MAGI1: variants seen among roughly 807,000 people sequenced by gnomAD.
MAGI1 encodes the protein membrane-associated guanylate kinase, WW and PDZ domain-containing protein 1.
A neutral mutation model predicts 139.9 loss-of-function variants in MAGI1; 58 were observed. The ratio of observed to expected loss-of-function variants is 0.41; its 90% confidence interval spans 0.34 to 0.52. The LOEUF (loss-of-function observed/expected upper bound fraction) is 0.52, where lower values mean the gene tolerates loss of function less well. Ranked by LOEUF, MAGI1 falls within the 20% of genes least tolerant of loss-of-function variation. MAGI1 has a pLI of 0.12. For missense variants in MAGI1, 1,874 were observed against 1,901.6 expected (o/e 0.99, Z 0.27); for synonymous variants, 812 against 737.9 (o/e 1.10, Z -1.63).
chr3:65,413,636 G>C (rs968777746), intron 12 of MAGI1, among the ~76,000 whole-genome samples: 4 of 152,162 alleles, frequency 2.6e-5, no homozygotes, highest in Non-Finnish European at 5.9e-5. Context: ...CTAATGAATT[G>C]CTGCCCCATA....
chr3:65,481,356 C>T (rs1951274991), intron 3 of MAGI1, among the ~76,000 whole-genome samples: 1 of 152,128 alleles, frequency 6.6e-6, no homozygotes, highest in Non-Finnish European at 1.5e-5. Context: ...TGTCTCATGC[C>T]TTCATTGAAG....
intron 2 of MAGI1, among the ~76,000 whole-genome samples, chr3:65,618,504 A>C (rs1033977715): frequency 6.6e-6 from 1 of 152,176 alleles, no homozygotes; most frequent in African/African-American, 2.4e-5. Context: ...CATTGCTTCC[A>C]AACCCACCAG....
At chr3:65,383,343 G>A (rs1400655056) in intron 15 of MAGI1, among the ~76,000 whole-genome samples, 189 bp downstream of exon 15, 1 of 152,186 alleles carries the variant, frequency 6.6e-6, no homozygotes, top group Admixed American at 6.5e-5. Flanking sequence ...TTTTTAGAAA[G>A]AATCTAGTCT....
At chr3:65,931,241 G>A (rs1184020504) in intron 1 of MAGI1, among the ~76,000 whole-genome samples, 1 of 152,128 alleles carries the variant, frequency 6.6e-6, no homozygotes, top group Non-Finnish European at 1.5e-5. Flanking sequence ...CACTGTGTTA[G>A]CCAGGATGGT....
chr3:65,982,914 A>AT (rs1268078708), intron 1 of MAGI1, among the ~76,000 whole-genome samples: 2 of 152,046 alleles, frequency 1.3e-5, no homozygotes, highest in Non-Finnish European at 2.9e-5. Context: ...AAGGAAAATG[A>AT]TTTTTTATTT....
chr3:65,937,214 A>C (rs2063106726), intron 1 of MAGI1, among the ~76,000 whole-genome samples: 2 of 152,188 alleles, frequency 1.3e-5, no homozygotes, highest in South Asian at 4.1e-4. Flanking sequence ...TGAGATTTTG[A>C]AGAGCTGTCA....
At chr3:65,997,634 C>T (rs1054364559) in intron 1 of MAGI1, among the ~76,000 whole-genome samples, 6 of 151,764 alleles carry the variant, frequency 4.0e-5, no homozygotes, top group Non-Finnish European at 7.4e-5. Flanking sequence ...CCAGCCTGGG[C>T]GACAGAGCAA....
intron 1 of MAGI1, among the ~76,000 whole-genome samples, chr3:65,949,372 T>C (rs1245699781): frequency 6.6e-6 from 1 of 152,246 alleles, no homozygotes. Context: ...GCTAAGTTCC[T>C]GTTAGGTGCA....
chr3:65,732,119 A>G (rs2034253737), intron 1 of MAGI1, among the ~76,000 whole-genome samples: 1 of 152,202 alleles, frequency 6.6e-6, no homozygotes. Flanking sequence ...AAATAAAACG[A>G]ATTCAGTCTC....
At chr3:65,357,822 T>C (rs889291083) in intron 22 of MAGI1, among the ~76,000 whole-genome samples, 3 of 152,214 alleles carry the variant, frequency 2.0e-5, no homozygotes, top group Non-Finnish European at 4.4e-5. Context: ...TGGCCAGATG[T>C]TGACGACTGG....
intron 1 of MAGI1, among the ~76,000 whole-genome samples, chr3:65,812,275 G>A (rs747336162): frequency 6.6e-6 from 1 of 151,870 alleles, no homozygotes; most frequent in Non-Finnish European, 1.5e-5. Context: ...GCACAAAGCG[G>A]GTATTCTAAA....
chr3:65,588,163 G>A (rs1041554805), intron 2 of MAGI1, among the ~76,000 whole-genome samples: 4 of 152,266 alleles, frequency 2.6e-5, no homozygotes, highest in African/African-American at 4.8e-5. Flanking sequence ...CTCCTGTAAC[G>A]ATGAAAACGG....
At chr3:65,666,084 T>G (rs528893818) in intron 1 of MAGI1, among the ~76,000 whole-genome samples, 1 of 152,272 alleles carries the variant, frequency 6.6e-6, no homozygotes, top group African/African-American at 2.4e-5. Context: ...GCCAGAAGTC[T>G]ACCTGCTGAG....
chr3:65,788,207 A>C (rs1334740690), intron 1 of MAGI1, among the ~76,000 whole-genome samples: 1 of 152,216 alleles, frequency 6.6e-6, no homozygotes, highest in Non-Finnish European at 1.5e-5. Context: ...CATATGTTAC[A>C]AGTGCTTGAA....
At chr3:65,549,725 A>T (rs2079727239) in intron 2 of MAGI1, among the ~76,000 whole-genome samples, 1 of 152,154 alleles carries the variant, frequency 6.6e-6, no homozygotes, top group Admixed American at 6.5e-5. Context: ...TATGGCTTTC[A>T]GGGCACCCAC....
intron 5 of MAGI1, among the ~76,000 whole-genome samples, chr3:65,462,903 G>A (rs1949913652): frequency 1.3e-5 from 2 of 152,160 alleles, no homozygotes; most frequent in Non-Finnish European, 2.9e-5. Context: ...GTTCACTCAT[G>A]ATTTGGCTCT....
At chr3:65,800,652 A>T (rs571901917) in intron 1 of MAGI1, among the ~76,000 whole-genome samples, 26 of 151,754 alleles carry the variant, frequency 1.7e-4, no homozygotes, top group African/African-American at 6.0e-4. Flanking sequence ...AAAAAAACTG[A>T]TGTAAGAAAT....
At chr3:65,396,166 T>C (rs1457543770) in intron 13 of MAGI1, among the ~76,000 whole-genome samples, 3 of 152,146 alleles carry the variant, frequency 2.0e-5, no homozygotes, top group Non-Finnish European at 2.9e-5. Context: ...AGGATATCCA[T>C]GCACCACATC....
intron 22 of MAGI1, 188 bp downstream of exon 22, chr3:65,361,011 G>A (rs1382443613): frequency 1.0e-5 from 15 of 1,469,864 alleles, no homozygotes; most frequent in Admixed American, 2.5e-5. Context: ...CCCAGTCCAC[G>A]TAAGCAAGCA....
Sources: gnomAD v4.1 joint callset for allele counts (sites outside exome capture counted in the v4.1 genomes callset) on GRCh38, gnomAD v4.1.1 for gene constraint, MANE v1.5 for transcripts, NCBI Gene and HGNC (gene_info 2026-07-23, HGNC 2026-07-21) for gene names.